Variants in HECW2 observed in about 807,000 individuals in gnomAD.
HECW2 encodes the protein E3 ubiquitin-protein ligase HECW2.
Under a neutral mutation model 175.2 loss-of-function variants are expected in HECW2, and 61 were observed. That is an observed-to-expected ratio of 0.35 (90% CI 0.28 to 0.43). The LOEUF is 0.43. Among genes scored for constraint, HECW2 ranks in the 20% least tolerant of loss-of-function variants. The probability of loss-of-function intolerance (pLI) is 1.00; values close to 1 mark genes in which losing one functional copy is unlikely to be tolerated. For synonymous variants in HECW2, 671 were observed against 731.0 expected (o/e 0.92, Z 1.32); for missense variants, 1,524 against 2,000.5 (o/e 0.76, Z 4.54).
At chr2:196,318,043 A>T (rs1165249590) in intron 9 of HECW2, among the ~76,000 whole-genome samples, 1 of 152,254 alleles carries the variant, frequency 6.6e-6, no homozygotes. Context: ...GTGAAATTTT[A>T]GAAAGGAAGA....
chr2:196,376,084 A>G (rs1050746391), intron 2 of HECW2, among the ~76,000 whole-genome samples: 4 of 152,226 alleles, frequency 2.6e-5, no homozygotes, highest in African/African-American at 9.6e-5. Context: ...GGAAGGGCAC[A>G]ATACATATTT....
At position 196,326,062 on chromosome 2, in the gene HECW2, T is replaced by A. The variant is rs145040728; in HGVS notation, c.572-913A>T. Among the ~76,000 whole-genome samples the A allele has an allele frequency of 7.1e-3, 1,074 of 152,310 alleles. 6 individuals carry two copies. The highest frequency in any genetic ancestry group is 8.8e-3 in the Non-Finnish European group (600 of 68,026). Reference sequence around the variant, plus strand: ...CTTAGAAAATGCTGGAAGATTAATCTAGGGAGGTTCTGAACACTGTGGTTC... The same window carrying A: ...CTTAGAAAATGCTGGAAGATTAATCAAGGGAGGTTCTGAACACTGTGGTTC... On this transcript the variant is annotated intron_variant, in intron 5 of 28. Transcript: ENST00000644978.
intron 15 of HECW2, among the ~76,000 whole-genome samples, chr2:196,277,897 AT>A (rs1341580619): frequency 7.0e-6 from 1 of 142,988 alleles, no homozygotes; most frequent in Admixed American, 7.5e-5. Flanking sequence ...CAAACACCGC[AT>A]ATTCTCACTC....
chr2:196,295,172 CAG>C (rs1330314208), intron 13 of HECW2, among the ~76,000 whole-genome samples: 1 of 152,036 alleles, frequency 6.6e-6, no homozygotes. Context: ...TGGTTCAGAG[CAG>C]AGAGTACTGT....
chr2:196,240,301 A>C (rs1575276005), intron 21 of HECW2, 148 bp downstream of exon 21: 3 of 452,614 alleles, frequency 6.6e-6, no homozygotes. Context: ...AGACCTTTAA[A>C]AAAAAAAAAG....
chr2:196,387,902 G>A (rs1694396079), intron 2 of HECW2, among the ~76,000 whole-genome samples: 1 of 152,134 alleles, frequency 6.6e-6, no homozygotes. Flanking sequence ...AGTAGCAGCA[G>A]TAAATAAGTT....
At chr2:196,451,635 C>A (rs912676520) in intron 1 of HECW2, among the ~76,000 whole-genome samples, 2 of 152,122 alleles carry the variant, frequency 1.3e-5, no homozygotes, top group South Asian at 4.1e-4. Context: ...CGCAGTGGCT[C>A]ATGCCTGTAA....
intron 15 of HECW2, among the ~76,000 whole-genome samples, chr2:196,277,791 C>T (rs372742159): frequency 7.4e-4 from 113 of 151,924 alleles, no homozygotes; most frequent in Admixed American, 1.4e-3. Context: ...TGGAATACTA[C>T]GCAGCCATAA....
At chr2:196,405,417 C>T (rs187345528) in intron 2 of HECW2, among the ~76,000 whole-genome samples, 36 of 152,282 alleles carry the variant, frequency 2.4e-4, no homozygotes, top group Non-Finnish European at 4.4e-4. Context: ...CTACCTCTCT[C>T]CTCTAGCTCC....
chr2:196,251,277 T>C (rs1318127421), intron 19 of HECW2, among the ~76,000 whole-genome samples: 1 of 152,224 alleles, frequency 6.6e-6, no homozygotes. Context: ...ATCTGTTGGC[T>C]CTCTTTCTTT....
chr2:196,201,310 T>C lies in HECW2; in HGVS notation c.4686A>G (p.Ala1562=), dbSNP rs1447236121. The change falls in exon 29 of 29, where the codon GCA becomes GCG. Residue 1562 remains alanine, a synonymous_variant. Transcript: ENST00000644978. ...GTCCAAAAGTACTGGTTTCTTCAACTGCTGTCAACAGTTTTTCATAAAGCA... is the reference window on the plus strand; with the variant it reads ...GTCCAAAAGTACTGGTTTCTTCAACCGCTGTCAACAGTTTTTCATAAAGCA... ...FSMLYEKLLT[A]VEETSTFGLE 3.1e-6 allele frequency: 5 copies of C among 1,613,616 alleles called. No homozygotes were observed. Among genetic ancestry groups the C allele is most frequent in the Non-Finnish European group, 4.2e-6 (5 of 1,179,530 alleles).
intron 1 of HECW2, among the ~76,000 whole-genome samples, chr2:196,506,017 G>C: frequency 6.6e-6 from 1 of 152,172 alleles, no homozygotes; most frequent in South Asian, 2.1e-4. Context: ...CTCTCAATAA[G>C]GCAGTCGGGG....
At position 196,437,857 on chromosome 2, in the gene HECW2, C is replaced by T. The variant is rs991092031; in HGVS notation, c.-35-4399G>A. Among the ~76,000 whole-genome samples, 9 of 152,134 alleles carry T rather than the reference C, an allele frequency of 5.9e-5. No homozygotes were observed. The South Asian group carries it at 1.5e-3, about 25-fold the overall frequency. On this transcript the variant is annotated intron_variant, in intron 1 of 28. Coordinates refer to ENST00000644978, the MANE Select transcript of HECW2 (RefSeq NM_001348768.2). The stretch of plus-strand genomic sequence containing the variant: ...ACTCCAAGGACAGTGTCAAATGCTG[C>T]AGGGAAAGACTGAGGAGTGGGTAAA...
intron 1 of HECW2, among the ~76,000 whole-genome samples, chr2:196,558,361 C>T (rs1689878173): frequency 6.6e-6 from 1 of 152,148 alleles, no homozygotes. Context: ...GCCACACCTC[C>T]TGGTTTCCTG....
chr2:196,331,754 C>T (rs1319384018), intron 4 of HECW2, among the ~76,000 whole-genome samples: 1 of 152,192 alleles, frequency 6.6e-6, no homozygotes, highest in Non-Finnish European at 1.5e-5. Flanking sequence ...AAATGCTCAT[C>T]TGAAATCATA....
At chr2:196,221,376 A>G (rs893215018) in intron 24 of HECW2, among the ~76,000 whole-genome samples, 1 of 152,236 alleles carries the variant, frequency 6.6e-6, no homozygotes, top group Non-Finnish European at 1.5e-5. Context: ...GCAGAAAAGC[A>G]GCTAAAGATT....
At chr2:196,564,128 G>A (rs991731032) in intron 1 of HECW2, among the ~76,000 whole-genome samples, 2 of 152,104 alleles carry the variant, frequency 1.3e-5, no homozygotes, top group Admixed American at 6.5e-5. Flanking sequence ...CACCTCAGCT[G>A]TCTTCTTGCC....
chr2:196,243,619 TG>T (rs1311151415), intron 19 of HECW2, among the ~76,000 whole-genome samples: 1 of 152,202 alleles, frequency 6.6e-6, no homozygotes, highest in African/African-American at 2.4e-5. Context: ...TTGCTCTTGT[TG>T]CCCAGGCTGG....
chr2:196,374,735 C>T (rs1052903768), intron 2 of HECW2, among the ~76,000 whole-genome samples: 2 of 151,816 alleles, frequency 1.3e-5, no homozygotes, highest in African/African-American at 4.8e-5. Context: ...TTATCAACAA[C>T]TCATATCTCA....
Sources: gnomAD v4.1 joint callset for allele counts (sites outside exome capture counted in the v4.1 genomes callset) on GRCh38, gnomAD v4.1.1 for gene constraint, MANE v1.5 for transcripts, NCBI Gene and HGNC (gene_info 2026-07-23, HGNC 2026-07-21) for gene names.